The following DLG2 variants were observed in gnomAD, a reference collection of about 807,000 sequenced individuals.
DLG2 encodes the protein discs large MAGUK scaffold protein 2.
DLG2 carries 45 observed loss-of-function variants against 132.5 expected under a neutral mutation model. The ratio of observed to expected loss-of-function variants is 0.34; its 90% CI spans 0.27 to 0.44. DLG2 has a LOEUF of 0.44. Among genes scored for constraint, DLG2 ranks in the 20% least tolerant of loss-of-function variants. DLG2 has a pLI of 1.00. For missense variants in DLG2, 1,045 were observed against 1,196.9 expected (o/e 0.87, Z 1.87); for synonymous variants, 424 against 419.6 (o/e 1.01, Z -0.13).
intron 6 of DLG2, among the ~76,000 whole-genome samples, chr11:85,033,231 T>C (rs2061168647): frequency 6.6e-6 from 1 of 152,110 alleles, no homozygotes; most frequent in Non-Finnish European, 1.5e-5. Flanking sequence ...TCTTTTCAAA[T>C]GAGGAAGGCA....
At chr11:85,108,565 T>C (rs540678544) in intron 6 of DLG2, among the ~76,000 whole-genome samples, 102 of 152,148 alleles carry the variant, frequency 6.7e-4, no homozygotes, top group Non-Finnish European at 1.1e-3. Flanking sequence ...TTTTTTATTC[T>C]ATAAGATGAA....
intron 2 of DLG2, among the ~76,000 whole-genome samples, chr11:85,622,673 C>G (rs973786360): frequency 4.0e-5 from 6 of 150,318 alleles, no homozygotes; most frequent in Non-Finnish European, 5.9e-5. Flanking sequence ...ATACAGTCAA[C>G]CAAAAGCAAA....
At chr11:83,951,093 A>C (rs2085301031) in intron 14 of DLG2, among the ~76,000 whole-genome samples, 2 of 152,214 alleles carry the variant, frequency 1.3e-5, no homozygotes, top group Non-Finnish European at 2.9e-5. Context: ...TGGGAATTAA[A>C]GATAAATTAA....
At chr11:84,495,010 ATACACACATGCTCACACC>A (rs2099177255) in intron 7 of DLG2, among the ~76,000 whole-genome samples, 1 of 152,166 alleles carries the variant, frequency 6.6e-6, no homozygotes, top group African/African-American at 2.4e-5. Flanking sequence ...AGACAGAAGC[ATACACACATGCTCACACC>A]TACACACAAG....
chr11:84,069,210 A>C, intron 10 of DLG2, among the ~76,000 whole-genome samples: 1 of 152,310 alleles, frequency 6.6e-6, no homozygotes, highest in South Asian at 2.1e-4. Context: ...ACCATACTCC[A>C]AAAACCACTG....
Position 84,564,537 on chromosome 11 carries a change from T to G in DLG2, c.358-29806A>C, listed in dbSNP as rs573867955. Among the ~76,000 whole-genome samples the G allele has an allele frequency of 5.3e-4, 81 of 152,314 alleles. No homozygotes were observed. The South Asian group carries it at 0.017, about 31-fold the overall frequency. ...CTCTTGAATAAGCATAAAATATCGC[T>G]TGTTTTTAAATACTGCCCAAAATAG... On this transcript the variant is annotated intron_variant, in intron 6 of 27. Transcript: ENST00000376104.
chr11:84,458,391 A>G (rs2154484459), intron 7 of DLG2, among the ~76,000 whole-genome samples: 1 of 151,038 alleles, frequency 6.6e-6, no homozygotes, highest in South Asian at 2.1e-4. Flanking sequence ...AGAAGTATCC[A>G]AGTGATCATC....
chr11:85,430,396 G>A (rs1172383493), intron 3 of DLG2, among the ~76,000 whole-genome samples: 1 of 151,908 alleles, frequency 6.6e-6, no homozygotes, highest in Non-Finnish European at 1.5e-5. Context: ...TGATTGAAAT[G>A]TTAATTGTGG....
chr11:84,148,728 A>T (rs2095182027), intron 9 of DLG2, among the ~76,000 whole-genome samples: 1 of 152,090 alleles, frequency 6.6e-6, no homozygotes, highest in Non-Finnish European at 1.5e-5. Flanking sequence ...CTTTGGGTAG[A>T]TACCTAGTAA....
intron 6 of DLG2, among the ~76,000 whole-genome samples, chr11:85,044,581 G>T (rs932201669): frequency 6.6e-6 from 1 of 151,964 alleles, no homozygotes; most frequent in African/African-American, 2.4e-5. Context: ...ATAGTCATTA[G>T]TTAACTGTTA....
At chr11:84,787,579 A>C (rs1234552200) in intron 6 of DLG2, among the ~76,000 whole-genome samples, 1 of 151,918 alleles carries the variant, frequency 6.6e-6, no homozygotes, top group East Asian at 1.9e-4. Flanking sequence ...CTACCACCTC[A>C]CTTAGTATGG....
chr11:84,080,611 TTG>T (rs1673260633), intron 10 of DLG2, among the ~76,000 whole-genome samples: 1 of 152,166 alleles, frequency 6.6e-6, no homozygotes, highest in African/African-American at 2.4e-5. Flanking sequence ...ATCAAATAGA[TTG>T]TGTTTTAATA....
intron 3 of DLG2, among the ~76,000 whole-genome samples, chr11:85,434,390 T>C (rs188551255): frequency 1.5e-4 from 23 of 151,410 alleles, no homozygotes; most frequent in Admixed American, 1.5e-3. Flanking sequence ...AGGGGCTGTT[T>C]TTTTTGAAAA....
At chr11:84,943,372 G>GCCTGCCTT (rs1397628277) in intron 6 of DLG2, among the ~76,000 whole-genome samples, 3 of 151,146 alleles carry the variant, frequency 2.0e-5, no homozygotes, top group African/African-American at 7.3e-5. Flanking sequence ...CTTCCTAACT[G>GCCTGCCTT]CCTGCCTTCC....
intron 6 of DLG2, among the ~76,000 whole-genome samples, chr11:84,662,679 A>G (rs1199632900): frequency 6.7e-6 from 1 of 148,656 alleles, no homozygotes; most frequent in Non-Finnish European, 1.5e-5. Context: ...CCCAGCTACT[A>G]GGGAGGCTGA....
rs183608764 is a variant in DLG2 at position 84,097,855 on chromosome 11, G to C, written c.749+1068C>G. Among the ~76,000 whole-genome samples the C allele has an allele frequency of 1.8e-3, 277 of 152,034 alleles. 1 individual carries two copies. Among genetic ancestry groups the C allele is most frequent in the African/African-American group, 6.5e-3 (269 of 41,468 alleles). Reference sequence around the variant, plus strand: ...TCTCTCCTAATTTTTCCAACCTATAGTGCCTTTTAGCTAAGGTTTTGATCC... The same window carrying C: ...TCTCTCCTAATTTTTCCAACCTATACTGCCTTTTAGCTAAGGTTTTGATCC... On this transcript the variant is annotated intron_variant, in intron 10 of 27. Transcript: ENST00000376104.
At chr11:84,220,796 T>TTTTTTTTTTG (rs2096903667) in intron 8 of DLG2, among the ~76,000 whole-genome samples, 1 of 142,068 alleles carries the variant, frequency 7.0e-6, no homozygotes, top group Non-Finnish European at 1.5e-5. Flanking sequence ...TTTTTTTTTT[T>TTTTTTTTTTG]TTTTTGACAG....
chr11:85,119,283 G>A (rs2074030180), intron 5 of DLG2, among the ~76,000 whole-genome samples: 1 of 151,802 alleles, frequency 6.6e-6, no homozygotes, highest in East Asian at 1.9e-4. Flanking sequence ...GAAATCATTG[G>A]TTATAAATAT....
At chr11:83,596,887 C>A (rs565670592) in intron 19 of DLG2, among the ~76,000 whole-genome samples, 1 of 152,278 alleles carries the variant, frequency 6.6e-6, no homozygotes, top group Non-Finnish European at 1.5e-5. Flanking sequence ...TTCTGAGAAT[C>A]GACCTAATCT....
Sources: gnomAD v4.1 joint callset for allele counts (sites outside exome capture counted in the v4.1 genomes callset) on GRCh38, gnomAD v4.1.1 for gene constraint, MANE v1.5 for transcripts, NCBI Gene and HGNC (gene_info 2026-07-23, HGNC 2026-07-21) for gene names.